SGSM1: variants seen among roughly 807,000 people sequenced by gnomAD.
The protein encoded by SGSM1 is small G protein signaling modulator 1, also known as RUN and TBC1 domain containing 2.
Under a neutral mutation model 133.8 loss-of-function variants are expected in SGSM1, and 73 were observed. The observed-to-expected ratio is 0.55, with a 90% CI of 0.45 to 0.66. The LOEUF (loss-of-function observed/expected upper bound fraction) is 0.66. Among genes scored for constraint, SGSM1 ranks in the 30% least tolerant of loss-of-function variants. The probability of loss-of-function intolerance (pLI) is 0.00; values close to 1 mark genes in which losing one functional copy is unlikely to be tolerated. For synonymous variants in SGSM1, 563 were observed against 573.0 expected, an observed-to-expected ratio of 0.98 and a Z score of 0.25; for missense variants, 1,213 against 1,448.1, an observed-to-expected ratio of 0.84 and a Z score of 2.64.
At chr22:24,836,683 T>C (rs1355545831) in intron 2 of SGSM1, among the ~76,000 whole-genome samples, 2 of 152,242 alleles carry the variant, frequency 1.3e-5, no homozygotes, top group Non-Finnish European at 2.9e-5. Context: ...GATTTGCATT[T>C]CCCATTGAAC....
At chr22:24,872,934 ATTT>A (rs2147880709) in intron 12 of SGSM1, among the ~76,000 whole-genome samples, 1 of 151,074 alleles carries the variant, frequency 6.6e-6, no homozygotes, top group South Asian at 2.1e-4. Flanking sequence ...AAAAAAAGAA[ATTT>A]TTTTAAATTA....
chr22:24,825,729 C>T (rs750889708), intron 2 of SGSM1, among the ~76,000 whole-genome samples: 4 of 152,320 alleles, frequency 2.6e-5, no homozygotes, highest in African/African-American at 4.8e-5. Flanking sequence ...TGTGGCGGGC[C>T]TGAGAGTTAT....
At chr22:24,832,173 T>C (rs1252100914) in intron 2 of SGSM1, among the ~76,000 whole-genome samples, 3 of 152,196 alleles carry the variant, frequency 2.0e-5, no homozygotes, top group African/African-American at 7.2e-5. Context: ...GGGAAGAGGC[T>C]TCCCTTAGAA....
chr22:24,886,968 T>C (rs1932641828), intron 16 of SGSM1, among the ~76,000 whole-genome samples: 1 of 152,220 alleles, frequency 6.6e-6, no homozygotes, highest in Admixed American at 6.5e-5. Flanking sequence ...TGTGGAGAAC[T>C]ATGTGCATCT....
At chr22:24,824,150 A>G (rs989081798) in intron 2 of SGSM1, among the ~76,000 whole-genome samples, 3 of 152,128 alleles carry the variant, frequency 2.0e-5, no homozygotes, top group Admixed American at 6.5e-5. Context: ...GGGAATGCGG[A>G]GAGGGGCACG....
rs1207115293 is a variant in SGSM1 at position 24,806,228 on chromosome 22, G to A, written c.-98G>A. 1.3e-5 allele frequency: 17 copies of A among 1,287,774 alleles called. No individual in the cohort carries two copies. The Admixed American group carries it at 1.7e-4, about 13-fold the overall frequency. The allele number at this position is 1,287,774 out of a possible 1,614,324, so 79.8% of individuals were successfully genotyped here. On this transcript the variant is annotated 5_prime_UTR_variant, in exon 1 of 25. Coordinates refer to ENST00000400358, the MANE Select transcript of SGSM1 (RefSeq NM_001098497.3). ...CGGCCGTCACTCAGCGCTCGGCCCC[G>A]CCCCGCCGCGGCTGCAGCAGCAGCG...
rs371203241 is a variant in SGSM1, at chr22:24,857,354, G to A, written c.801+1674G>A. Among the ~76,000 whole-genome samples, 72 of 142,558 alleles carry A rather than the reference G, an allele frequency of 5.1e-4. 1 individual carries two copies. In the East Asian group the frequency reaches 0.01, roughly 21 times the overall value. 93.5% of individuals were successfully genotyped at this position (142,558 alleles called of 152,430 possible). A position where few individuals can be genotyped will look rare whatever the true frequency, so the allele number is the denominator to read the frequency against. ...ACCCAGGAGGTGGAGGCTGCAGTAAGCCAAGCTCGCACCACTGCACTCCAG... is the reference window on the plus strand; with the variant it reads ...ACCCAGGAGGTGGAGGCTGCAGTAAACCAAGCTCGCACCACTGCACTCCAG... On this transcript the variant is annotated intron_variant, in intron 8 of 24. Coordinates refer to ENST00000400358, the MANE Select transcript of SGSM1 (RefSeq NM_001098497.3).
rs1190004324 is a variant in SGSM1 at position 24,868,874 on chromosome 22, G to A, written c.1291+19G>A. ...GAATTCGGTGAGCTGCCCTGTCCCGGGCCCCGGGGAGTCACCTGCTAACTG... is the reference window on the plus strand; with the variant it reads ...GAATTCGGTGAGCTGCCCTGTCCCGAGCCCCGGGGAGTCACCTGCTAACTG... On this transcript the variant is annotated intron_variant, in intron 12 of 24. Transcript: ENST00000400358. 1 of 1,611,642 alleles carries A rather than the reference G, an allele frequency of 6.2e-7. No individual in the cohort carries two copies. The highest frequency in any genetic ancestry group is 1.7e-5 in the Admixed American group (1 of 59,868).
At chr22:24,911,228 C>A (rs1044068025) in intron 21 of SGSM1, among the ~76,000 whole-genome samples, 5 of 151,802 alleles carry the variant, frequency 3.3e-5, no homozygotes, top group African/African-American at 1.2e-4. Flanking sequence ...CAGAATGAGA[C>A]CCTGTCTCAA....
At chr22:24,813,450 A>T (rs765342057) in intron 2 of SGSM1, among the ~76,000 whole-genome samples, 6 of 152,164 alleles carry the variant, frequency 3.9e-5, no homozygotes, top group Non-Finnish European at 7.4e-5. Context: ...GGCTGGAATC[A>T]CAGCCCCCCA....
intron 2 of SGSM1, among the ~76,000 whole-genome samples, chr22:24,816,204 C>G (rs1928064481): frequency 6.6e-6 from 1 of 152,112 alleles, no homozygotes; most frequent in African/African-American, 2.4e-5. Flanking sequence ...CGAGTAGCAA[C>G]TGCTTTTTAC....
chr22:24,855,032 T>C lies in SGSM1; in HGVS notation c.492T>C (p.Pro164=). The change falls in exon 6 of 25, where the codon CCT becomes CCC. Residue 164 remains proline, a synonymous_variant. Coordinates refer to ENST00000400358, the MANE Select transcript of SGSM1 (RefSeq NM_001098497.3). ...YYEKEALLMD[P]VDGPILASLL... ...AGAAGGAAGCTCTCCTGATGGACCC[T>C]GTGGACGGCCCCATCCTTGCATCTT... is the stretch of plus-strand genomic sequence containing the variant. The C allele has an allele frequency of 1.2e-6, 2 of 1,613,514 alleles. No individual in the cohort carries two copies. Among genetic ancestry groups the C allele is most frequent in the Non-Finnish European group, 1.7e-6 (2 of 1,179,758 alleles).
rs536792772 is a variant in SGSM1 at position 24,828,987 on chromosome 22, A to G, written c.64-15910A>G. 9.9e-5 allele frequency among the ~76,000 whole-genome samples: 15 copies of G among 152,238 alleles called. No homozygotes were observed. The South Asian group carries it at 3.1e-3, about 32-fold the overall frequency. On this transcript the variant is annotated intron_variant, in intron 2 of 24. Coordinates refer to ENST00000400358, the MANE Select transcript of SGSM1 (RefSeq NM_001098497.3). The stretch of plus-strand genomic sequence containing the variant: ...GGCAGGCGGAACATGAGGCTAGGAG[A>G]TCGAGACAATCCTGGCTAACACAGT...
chr22:24,871,869 C>T (rs751272878), intron 12 of SGSM1, among the ~76,000 whole-genome samples: 4 of 152,142 alleles, frequency 2.6e-5, no homozygotes, highest in South Asian at 2.1e-4. Context: ...AGTCATCCTG[C>T]GGTTTCCATT....
intron 2 of SGSM1, among the ~76,000 whole-genome samples, chr22:24,808,547 T>C (rs139621): frequency 0.91 from 139,076 of 152,204 alleles, 63,801 homozygotes; most frequent in African/African-American, 0.98. Flanking sequence ...TATGTGTCCC[T>C]GAGATGTTTT....
At position 24,926,865 on chromosome 22, in the gene SGSM1, T is replaced by C. The variant is rs1934226111; in HGVS notation, c.*2591T>C. On this transcript the variant is annotated 3_prime_UTR_variant, in exon 25 of 25. Coordinates refer to ENST00000400358, the MANE Select transcript of SGSM1 (RefSeq NM_001098497.3). ...ATGTGAATCTGTTTTTTTTTGTCTT[T>C]TTTTTTTTAATTTGAAAGAAAAAAA... The C allele has an allele frequency of 6.6e-6, 1 of 152,024 alleles. No homozygotes were observed. Among genetic ancestry groups the C allele is most frequent in the African/African-American group, 2.4e-5 (1 of 41,386 alleles). The allele number at this position is 152,024 out of a possible 1,614,324, so 9.4% of individuals were successfully genotyped here. A position where few individuals can be genotyped will look rare whatever the true frequency, so the allele number is the denominator to read the frequency against.
chr22:24,829,949 C>A (rs976551911), intron 2 of SGSM1, among the ~76,000 whole-genome samples: 2 of 152,202 alleles, frequency 1.3e-5, no homozygotes, highest in African/African-American at 4.8e-5. Context: ...CATCTGAGAG[C>A]CTGGAATGGG....
In SGSM1 at chr22:24,886,742, C is replaced by A; in HGVS notation, c.1770+14C>A. On this transcript the variant is annotated intron_variant, in intron 16 of 24. Transcript: ENST00000400358. ...GAAAGGAAAGAGGTCGGTTACCTGC[C>A]ATGGGCACTGGGATCTTTGGCAACA... The A allele has an allele frequency of 1.3e-6, 2 of 1,577,160 alleles. No individual in the cohort carries two copies. Among genetic ancestry groups the A allele is most frequent in the East Asian group, 2.3e-5 (1 of 43,000 alleles).
At chr22:24,841,775 G>T (rs548002136) in intron 2 of SGSM1, among the ~76,000 whole-genome samples, 1 of 152,212 alleles carries the variant, frequency 6.6e-6, no homozygotes, top group African/African-American at 2.4e-5. Flanking sequence ...TTTGTTTTTT[G>T]TTTTTGAGAT....
Sources: gnomAD v4.1 joint callset for allele counts (sites outside exome capture counted in the v4.1 genomes callset) on GRCh38, gnomAD v4.1.1 for gene constraint, MANE v1.5 for transcripts, NCBI Gene and HGNC (gene_info 2026-07-23, HGNC 2026-07-21) for gene names.